OR52K1: variants seen among roughly 807,000 people sequenced by gnomAD.
The protein encoded by OR52K1 is olfactory receptor 52K1.
A neutral mutation model predicts 8.7 loss-of-function variants in OR52K1; 10 were observed. The observed-to-expected ratio is 1.15, with a 90% confidence interval of 0.71 to 1.95. OR52K1 has a LOEUF of 1.95. Among genes scored for constraint, OR52K1 ranks in the 30% most tolerant of loss-of-function variants. The pLI, the probability that OR52K1 is intolerant of heterozygous loss-of-function variation, is 0.00. For synonymous variants in OR52K1, 203 were observed against 148.5 expected (o/e 1.37, Z -2.67); for missense variants, 431 against 397.2 (o/e 1.08, Z -0.72).
chr11:4,485,539 A>G (rs1846314693), intron 1 of OR52K1, among the ~76,000 whole-genome samples: 1 of 152,028 alleles, frequency 6.6e-6, no homozygotes, highest in African/African-American at 2.4e-5. Flanking sequence ...CTGTTGTCTC[A>G]CTTCCTATAT....
intron 1 of OR52K1, among the ~76,000 whole-genome samples, chr11:4,487,319 C>T (rs543189751): frequency 1.4e-3 from 213 of 152,256 alleles, no homozygotes; most frequent in African/African-American, 5.0e-3. Flanking sequence ...AGGAATTATA[C>T]AAAATGATTT....
At chr11:4,484,124 T>C (rs1589808952) in intron 1 of OR52K1, among the ~76,000 whole-genome samples, 1 of 152,180 alleles carries the variant, frequency 6.6e-6, no homozygotes. Context: ...TTTAGTGAAA[T>C]GTTCCACACC....
chr11:4,483,778 G>C (rs540289533), intron 1 of OR52K1, among the ~76,000 whole-genome samples: 1 of 150,058 alleles, frequency 6.7e-6, no homozygotes, highest in South Asian at 2.1e-4. Context: ...GATGCAGCAG[G>C]TTTGTGGGAT....
intron 1 of OR52K1, among the ~76,000 whole-genome samples, chr11:4,483,619 G>A (rs1215573448): frequency 7.7e-6 from 1 of 130,686 alleles, no homozygotes; most frequent in African/African-American, 3.3e-5. Context: ...TGATAGAAGA[G>A]ATGCCTTTTT....
chr11:4,489,173 T>C lies in OR52K1; in HGVS notation c.273T>C (p.Asp91=), dbSNP rs1327480337. The C allele has an allele frequency of 3.1e-6, 5 of 1,614,118 alleles. No individual in the cohort carries two copies. The highest frequency in any genetic ancestry group is 4.2e-6 in the Non-Finnish European group (5 of 1,180,054). ...TGCTTGCCATATTCTGGTTCAGGGATCAGGAGATCAACTTCTTTGCCTGTC... is the reference window on the plus strand; with the variant it reads ...TGCTTGCCATATTCTGGTTCAGGGACCAGGAGATCAACTTCTTTGCCTGTC... The part of the protein sequence containing the change: ...PKMLAIFWFR[D]QEINFFACLV... Residue 91 remains aspartate, a synonymous_variant, in exon 2 of 2, where the codon GAT becomes GAC. Transcript: ENST00000641528.
At chr11:4,486,545 G>T (rs1417012202) in intron 1 of OR52K1, among the ~76,000 whole-genome samples, 1 of 152,134 alleles carries the variant, frequency 6.6e-6, no homozygotes, top group Non-Finnish European at 1.5e-5. Flanking sequence ...TTCTAATAAG[G>T]TGTATAATGA....
rs976971570 is a variant in OR52K1 at position 4,490,105 on chromosome 11, A to G, written c.*260A>G. 3.1e-5 allele frequency: 13 copies of G among 425,842 alleles called. No homozygotes were observed. The highest frequency in any genetic ancestry group is 2.2e-4 in the African/African-American group (11 of 49,554). 26.4% of individuals were successfully genotyped at this position (425,842 alleles called of 1,614,324 possible). A position where few individuals can be genotyped will look rare whatever the true frequency, so the allele number is the denominator to read the frequency against. The stretch of plus-strand genomic sequence containing the variant: ...TGGCTAAGGAAGACAAACCTCTCAA[A>G]GTGGTATTGTAATCTGGGTGAAAGA... On this transcript the variant is annotated 3_prime_UTR_variant, in exon 2 of 2. Coordinates refer to ENST00000641528, the MANE Select transcript of OR52K1 (RefSeq NM_001005171.3).
chr11:4,483,256 T>G, intron 1 of OR52K1, 80 bp downstream of exon 1: 1 of 398,454 alleles, frequency 2.5e-6, no homozygotes, highest in South Asian at 1.3e-4. Context: ...TCCTTCCTTG[T>G]CTGGTTCTAA....
rs1846290872 is a variant in OR52K1, at chr11:4,482,865, C to T, written c.-640C>T. 3.0e-6 allele frequency: 1 copy of T among 335,412 alleles called. No individual in the cohort carries two copies. The highest frequency in any genetic ancestry group is 5.4e-6 in the Non-Finnish European group (1 of 186,422). The allele number at this position is 335,412 out of a possible 1,614,324, so 20.8% of individuals were successfully genotyped here. On this transcript the variant is annotated 5_prime_UTR_variant, in exon 1 of 2. Coordinates refer to ENST00000641528, the MANE Select transcript of OR52K1 (RefSeq NM_001005171.3). ...TTCCTGATCTTAGGCATCAGCTCTCCAACCCTGTTATTGCTTCTACTCTGG... is the reference window on the plus strand; with the variant it reads ...TTCCTGATCTTAGGCATCAGCTCTCTAACCCTGTTATTGCTTCTACTCTGG...
At position 4,491,248 on chromosome 11, in the gene OR52K1, A is replaced by C. The variant is rs1309759737; in HGVS notation, c.*1403A>C. ...CCAATGAAATTTGAGTAGCCCTGAA[A>C]TGTACTTCGAGAATCAGAAAGTTTA... On this transcript the variant is annotated 3_prime_UTR_variant, in exon 2 of 2. Coordinates refer to ENST00000641528, the MANE Select transcript of OR52K1 (RefSeq NM_001005171.3). 6.6e-6 allele frequency: 1 copy of C among 152,208 alleles called. No individual in the cohort carries two copies. Among genetic ancestry groups the C allele is most frequent in the African/African-American group, 2.4e-5 (1 of 41,440 alleles). The allele number at this position is 152,208 out of a possible 1,614,324, so 9.4% of individuals were successfully genotyped here.
rs1429995858 is a variant in OR52K1 at position 4,484,825 on chromosome 11, A to AACACACACAC, written c.-329+1656_-329+1657insCACACACACA. Among the ~76,000 whole-genome samples, 325 of 131,870 alleles carry AACACACACAC rather than the reference A, an allele frequency of 2.5e-3. 2 individuals carry two copies. Among genetic ancestry groups the AACACACACAC allele is most frequent in the African/African-American group, 7.0e-3 (247 of 35,538 alleles). 86.5% of individuals were successfully genotyped at this position (131,870 alleles called of 152,430 possible). On this transcript the variant is annotated intron_variant, in intron 1 of 1. Transcript: ENST00000641528. Reference sequence around the variant, plus strand: ...TAAAGACATGATACTTCTGTTCTAAAACACACAGACACACACACACACACA... The same window carrying AACACACACAC: ...TAAAGACATGATACTTCTGTTCTAAAACACACACACACACACAGACACACACACACACACA...
At chr11:4,485,187 G>A (rs1846311333) in intron 1 of OR52K1, among the ~76,000 whole-genome samples, 1 of 152,158 alleles carries the variant, frequency 6.6e-6, no homozygotes, top group African/African-American at 2.4e-5. Context: ...ATTTGGGGAT[G>A]TTTCTATCTT....
Position 4,490,125 on chromosome 11 carries a change from G to C in OR52K1, c.*280G>C. On this transcript the variant is annotated 3_prime_UTR_variant, in exon 2 of 2. Coordinates refer to ENST00000641528, the MANE Select transcript of OR52K1 (RefSeq NM_001005171.3). ...CTCAAAGTGGTATTGTAATCTGGGT[G>C]AAAGACAGTAGGACCTTTATTGGCT... 2.7e-6 allele frequency: 1 copy of C among 365,154 alleles called. No homozygotes were observed. The highest frequency in any genetic ancestry group is 4.4e-5 in the Admixed American group (1 of 22,892). The allele number at this position is 365,154 out of a possible 1,614,324, so 22.6% of individuals were successfully genotyped here.
chr11:4,490,072 T>C lies in OR52K1; in HGVS notation c.*227T>C, dbSNP rs1365377701. On this transcript the variant is annotated 3_prime_UTR_variant, in exon 2 of 2. Coordinates refer to ENST00000641528, the MANE Select transcript of OR52K1 (RefSeq NM_001005171.3). ...GTTTGACCTTCCCATTGTCATAGAC[T>C]CATCACATGGCTAAGGAAGACAAAC... 1 of 518,054 alleles carries C rather than the reference T, an allele frequency of 1.9e-6. No individual in the cohort carries two copies. The highest frequency in any genetic ancestry group is 1.9e-5 in the African/African-American group (1 of 52,008). The allele number at this position is 518,054 out of a possible 1,614,324, so 32.1% of individuals were successfully genotyped here. A position where few individuals can be genotyped will look rare whatever the true frequency, so the allele number is the denominator to read the frequency against.
Position 4,491,940 on chromosome 11 carries a change from C to G in OR52K1, c.*2095C>G, listed in dbSNP as rs1846378675. ...CCTAAAATAAAAGTTAAAAAGGACA[C>G]TATGATATTGGTGCAAAGATCGAAT... is the stretch of plus-strand genomic sequence containing the variant. On this transcript the variant is annotated 3_prime_UTR_variant, in exon 2 of 2. Transcript: ENST00000641528. 6.6e-6 allele frequency: 1 copy of G among 152,078 alleles called. No individual in the cohort carries two copies. The highest frequency in any genetic ancestry group is 2.4e-5 in the African/African-American group (1 of 41,404). The allele number at this position is 152,078 out of a possible 1,614,324, so 9.4% of individuals were successfully genotyped here.
chr11:4,487,517 G>C (rs895779634), intron 1 of OR52K1, among the ~76,000 whole-genome samples: 1 of 151,384 alleles, frequency 6.6e-6, no homozygotes, highest in Non-Finnish European at 1.5e-5. Flanking sequence ...TGTTATGGAA[G>C]GAAGTTAGTT....
chr11:4,487,271 A>G (rs1024864997), intron 1 of OR52K1, among the ~76,000 whole-genome samples: 1 of 152,226 alleles, frequency 6.6e-6, no homozygotes, highest in Admixed American at 6.5e-5. Flanking sequence ...TAACAGTTCT[A>G]CAGAAGAGAA....
chr11:4,490,706 C>G lies in OR52K1; in HGVS notation c.*861C>G, dbSNP rs1033362687. On this transcript the variant is annotated 3_prime_UTR_variant, in exon 2 of 2. Coordinates refer to ENST00000641528, the MANE Select transcript of OR52K1 (RefSeq NM_001005171.3). ...TGAAGTTTTGGTCAGTAATGGATCA[C>G]CTATATGATGGTGATTGCATAACAT... 2 of 152,122 alleles carry G rather than the reference C, an allele frequency of 1.3e-5. No homozygotes were observed. Among genetic ancestry groups the G allele is most frequent in the Non-Finnish European group, 2.9e-5 (2 of 68,026 alleles). 9.4% of individuals were successfully genotyped at this position (152,122 alleles called of 1,614,324 possible).
In OR52K1 at chr11:4,493,157, G is replaced by C. The variant is rs1318135889; in HGVS notation, c.*3312G>C. The C allele has an allele frequency of 2.6e-5, 4 of 152,346 alleles. No homozygotes were observed. Among genetic ancestry groups the C allele is most frequent in the Admixed American group, 2.6e-4 (4 of 15,286 alleles). 9.4% of individuals were successfully genotyped at this position (152,346 alleles called of 1,614,324 possible). ...GAGCCAGGTGTACAGGGTGGAACGT[G>C]AAAGTGAAACAGGAGCGTGACTGCT... On this transcript the variant is annotated 3_prime_UTR_variant, in exon 2 of 2. Transcript: ENST00000641528.
Sources: allele counts gnomAD v4.1 joint callset (sites outside exome capture counted in the v4.1 genomes callset), GRCh38; gene constraint gnomAD v4.1.1; transcripts MANE v1.5; gene names NCBI Gene and HGNC (gene_info 2026-07-23, HGNC 2026-07-21).